RFC3: variants seen among roughly 807,000 people sequenced by gnomAD.
The protein encoded by RFC3 is replication factor C subunit 3.
A neutral mutation model predicts 45.1 loss-of-function variants in RFC3; 41 were observed. The ratio of observed to expected loss-of-function variants is 0.91; its 90% CI spans 0.71 to 1.18. The LOEUF (loss-of-function observed/expected upper bound fraction) is 1.18, where lower values mean the gene tolerates loss of function less well. Ranked by LOEUF, RFC3 falls within the 50% of genes most tolerant of loss-of-function variation. The pLI, the probability that RFC3 is intolerant of heterozygous loss-of-function variation, is 0.00. For synonymous variants in RFC3, 149 were observed against 144.0 expected (o/e 1.03, Z -0.25); for missense variants, 423 against 428.1 (o/e 0.99, Z 0.10).
chr13:33,975,971 G>A, the RFC3 span, among the ~76,000 whole-genome samples: 1 of 152,142 alleles, frequency 6.6e-6, no homozygotes, highest in African/African-American at 2.4e-5. Context: ...AATGAACCAA[G>A]GTTCTTTGGA....
intron 8 of RFC3, among the ~76,000 whole-genome samples, chr13:33,882,430 G>C (rs1385952287): frequency 3.9e-5 from 6 of 152,198 alleles, no homozygotes; most frequent in African/African-American, 1.4e-4. Context: ...CTAATCTCCA[G>C]TGTGATGGTG....
chr13:33,831,202 T>C lies in RFC3; in HGVS notation c.711-54T>C, dbSNP rs1401092538. 2.6e-6 allele frequency: 3 copies of C among 1,134,350 alleles called. No homozygotes were observed. In the African/African-American group the frequency reaches 4.6e-5, roughly 17 times the overall value. 70.3% of individuals were successfully genotyped at this position (1,134,350 alleles called of 1,614,324 possible). On this transcript the variant is annotated intron_variant, in intron 6 of 8. Transcript: ENST00000380071. The stretch of plus-strand genomic sequence containing the variant: ...GACCAGTGGTTGGGGACTCCTGTTT[T>C]AGGACATAAGCACACTTCTGTTTAA...
Position 33,831,358 on chromosome 13 carries a change from C to G in RFC3, c.809+4C>G. 6.6e-7 allele frequency: 1 copy of G among 1,525,586 alleles called. No homozygotes were observed. Among genetic ancestry groups the G allele is most frequent in the Non-Finnish European group, 9.1e-7 (1 of 1,099,674 alleles). The allele number at this position is 1,525,586 out of a possible 1,614,324, so 94.5% of individuals were successfully genotyped here. A position where few individuals can be genotyped will look rare whatever the true frequency, so the allele number is the denominator to read the frequency against. On this transcript the variant is annotated splice_donor_region_variant and intron_variant, in intron 7 of 8. Coordinates refer to ENST00000380071, the MANE Select transcript of RFC3 (RefSeq NM_002915.4). ...TCAGTCAGCAAACTCCACAAAGGTA[C>G]CAGTATAAAATGATGACAGTAAAGC...
chr13:33,922,726 A>T (rs989808812), intron 8 of RFC3, among the ~76,000 whole-genome samples: 3 of 152,142 alleles, frequency 2.0e-5, no homozygotes, highest in Non-Finnish European at 4.4e-5. Context: ...GAAAGGGCAG[A>T]GTTAAGTAGA....
chr13:33,835,143 T>G lies in RFC3; in HGVS notation c.810-5T>G, dbSNP rs1161087958. The G allele has an allele frequency of 6.3e-7, 1 of 1,591,328 alleles. No homozygotes were observed. The highest frequency in any genetic ancestry group is 1.3e-5 in the African/African-American group (1 of 74,206). ...ACAAAATACCAATTATTTTGTTTTA[T>G]GTAGGCTCCTTGAAGTTCGTGGAAG... is the stretch of plus-strand genomic sequence containing the variant. On this transcript the variant is annotated splice_polypyrimidine_tract_variant and splice_region_variant and intron_variant, in intron 7 of 8. Coordinates refer to ENST00000380071, the MANE Select transcript of RFC3 (RefSeq NM_002915.4).
intron 8 of RFC3, among the ~76,000 whole-genome samples, chr13:33,877,527 A>G (rs895664353): frequency 1.3e-5 from 2 of 152,170 alleles, no homozygotes; most frequent in South Asian, 2.1e-4. Flanking sequence ...TCTACAGGCT[A>G]TAGCTTTCCT....
chr13:33,950,878 T>C (rs1331395240), intron 8 of RFC3, among the ~76,000 whole-genome samples: 2 of 151,826 alleles, frequency 1.3e-5, no homozygotes, highest in Non-Finnish European at 2.9e-5. Context: ...TCCTCTAATT[T>C]GGTATTCACC....
At position 33,837,158 on chromosome 13, in the gene RFC3, T is replaced by G. The variant is rs1453710556; in HGVS notation, c.*863T>G. 1.5e-6 allele frequency: 1 copy of G among 671,672 alleles called. No homozygotes were observed. The highest frequency in any genetic ancestry group is 2.0e-5 in the African/African-American group (1 of 51,090). 41.6% of individuals were successfully genotyped at this position (671,672 alleles called of 1,614,324 possible). On this transcript the variant is annotated 3_prime_UTR_variant, in exon 9 of 9. Transcript: ENST00000380071. ...CAGTTTGATTTTTGACCAGTGAAAC[T>G]ATGATCCCAATCAAGGTATAGATGC...
At chr13:33,928,864 G>T (rs774492263) in intron 8 of RFC3, among the ~76,000 whole-genome samples, 1 of 152,016 alleles carries the variant, frequency 6.6e-6, no homozygotes, top group Admixed American at 6.6e-5. Flanking sequence ...ATCTGAAATG[G>T]GTTAGTTGCC....
chr13:33,886,057 T>G (rs2082519846), intron 8 of RFC3, among the ~76,000 whole-genome samples: 1 of 151,592 alleles, frequency 6.6e-6, no homozygotes, highest in South Asian at 2.1e-4. Flanking sequence ...AAGGAGAGTC[T>G]TCTCAACTGC....
chr13:33,845,150 A>G (rs1431331146), intron 8 of RFC3, among the ~76,000 whole-genome samples: 1 of 152,150 alleles, frequency 6.6e-6, no homozygotes, highest in Non-Finnish European at 1.5e-5. Context: ...GCTGCCAGAC[A>G]TATTGGAGCC....
intron 8 of RFC3, among the ~76,000 whole-genome samples, chr13:33,869,018 C>G (rs2082391182): frequency 6.6e-6 from 1 of 152,206 alleles, no homozygotes; most frequent in Admixed American, 6.5e-5. Flanking sequence ...CCAGCAAGGG[C>G]AGTGGCTAGT....
chr13:33,820,018 A>G (rs1013551653), intron 1 of RFC3, among the ~76,000 whole-genome samples: 1 of 152,208 alleles, frequency 6.6e-6, no homozygotes, highest in African/African-American at 2.4e-5. Flanking sequence ...ATTAAAATTC[A>G]TTGCAATAAG....
intron 8 of RFC3, among the ~76,000 whole-genome samples, chr13:33,962,887 A>G (rs1448331939): frequency 6.6e-6 from 1 of 152,154 alleles, no homozygotes; most frequent in African/African-American, 2.4e-5. Flanking sequence ...GGGCATCAGG[A>G]TGTCATTATA....
intron 8 of RFC3, among the ~76,000 whole-genome samples, chr13:33,864,649 A>G (rs1329671): frequency 0.81 from 123,229 of 152,072 alleles, 51,409 homozygotes; most frequent in Non-Finnish European, 0.93. Context: ...AGTAAGTTGA[A>G]GAGATCACCA....
chr13:33,938,755 A>T (rs2082904404), intron 8 of RFC3, among the ~76,000 whole-genome samples: 1 of 152,140 alleles, frequency 6.6e-6, no homozygotes, highest in Admixed American at 6.6e-5. Flanking sequence ...GGACAAATGT[A>T]TGCATTTCTG....
At chr13:33,892,647 A>T (rs1229452426) in intron 8 of RFC3, among the ~76,000 whole-genome samples, 1 of 152,096 alleles carries the variant, frequency 6.6e-6, no homozygotes, top group African/African-American at 2.4e-5. Context: ...TCACACTTTC[A>T]CTTATGAACA....
At chr13:33,965,890 C>G (rs1247643780) in intron 8 of RFC3, among the ~76,000 whole-genome samples, 1 of 152,206 alleles carries the variant, frequency 6.6e-6, no homozygotes, top group Non-Finnish European at 1.5e-5. Flanking sequence ...TGACCACCAT[C>G]TCTTATATTC....
chr13:33,873,216 A>G (rs2082423840), intron 8 of RFC3, among the ~76,000 whole-genome samples: 1 of 152,172 alleles, frequency 6.6e-6, no homozygotes, highest in Non-Finnish European at 1.5e-5. Flanking sequence ...GAGCCCAGGG[A>G]CAGTCATTGA....
Sources: gnomAD v4.1 joint callset for allele counts (sites outside exome capture counted in the v4.1 genomes callset) on GRCh38, gnomAD v4.1.1 for gene constraint, MANE v1.5 for transcripts, NCBI Gene and HGNC (gene_info 2026-07-23, HGNC 2026-07-21) for gene names.